MARCHF11: variants seen among roughly 807,000 people sequenced by gnomAD.
MARCHF11 encodes membrane associated ring-CH-type finger 11, also known as E3 ubiquitin-protein ligase MARCHF11.
A neutral mutation model predicts 37.3 loss-of-function variants in MARCHF11; 29 were observed. The observed-to-expected ratio is 0.78, with a 90% confidence interval of 0.58 to 1.06. The LOEUF is 1.06. Among genes scored for constraint, MARCHF11 ranks in the 50% least tolerant of loss-of-function variants. The probability of loss-of-function intolerance (pLI) is 0.00; values close to 1 mark genes in which losing one functional copy is unlikely to be tolerated. For missense variants in MARCHF11, 482 were observed against 533.4 expected (o/e 0.90, Z 0.95); for synonymous variants, 233 against 228.0 (o/e 1.02, Z -0.20).
At chr5:16,079,789 A>T (rs1579675472) in intron 3 of MARCHF11, among the ~76,000 whole-genome samples, 1 of 152,134 alleles carries the variant, frequency 6.6e-6, no homozygotes. Flanking sequence ...TTTTGAAAGG[A>T]GGCCTCTCAA....
intron 2 of MARCHF11, among the ~76,000 whole-genome samples, chr5:16,168,859 TA>T (rs906610433): frequency 2.0e-5 from 3 of 151,946 alleles, no homozygotes; most frequent in Middle Eastern, 3.4e-3. Context: ...TTCCTCTATT[TA>T]AAAAAAATAG....
chr5:16,179,627 G>A lies in MARCHF11; in HGVS notation c.-52C>T. 1 of 1,123,348 alleles carries A rather than the reference G, an allele frequency of 8.9e-7. No homozygotes were observed. Among genetic ancestry groups the A allele is most frequent in the Non-Finnish European group, 1.1e-6 (1 of 917,762 alleles). The allele number at this position is 1,123,348 out of a possible 1,614,324, so 69.6% of individuals were successfully genotyped here. On this transcript the variant is annotated 5_prime_UTR_variant, in exon 1 of 4. Coordinates refer to ENST00000332432, the MANE Select transcript of MARCHF11 (RefSeq NM_001102562.3). ...GGCCCGGCTGGCGGGCCGGGCTCTG[G>A]CTGCAGGGAAAGAGAGCGCGGAGGG...
intron 2 of MARCHF11, among the ~76,000 whole-genome samples, chr5:16,166,118 T>G (rs574545265): frequency 1.3e-4 from 20 of 152,240 alleles, no homozygotes; most frequent in African/African-American, 4.8e-4. Context: ...ATTTCCAGCT[T>G]TAGTCACTGG....
intron 2 of MARCHF11, among the ~76,000 whole-genome samples, chr5:16,132,325 C>A (rs1434313180): frequency 6.6e-6 from 1 of 152,178 alleles, no homozygotes; most frequent in East Asian, 1.9e-4. Flanking sequence ...AACCTTCAGG[C>A]CAGCCAGGTG....
Position 16,090,834 on chromosome 5 carries a change from C to T in MARCHF11, c.886+55G>A, listed in dbSNP as rs904659293. 3.3e-5 allele frequency: 44 copies of T among 1,329,936 alleles called. No homozygotes were observed. In the Middle Eastern group the frequency reaches 9.8e-4, roughly 29 times the overall value. The allele number at this position is 1,329,936 out of a possible 1,614,324, so 82.4% of individuals were successfully genotyped here. A position where few individuals can be genotyped will look rare whatever the true frequency, so the allele number is the denominator to read the frequency against. On this transcript the variant is annotated intron_variant, in intron 3 of 3. Coordinates refer to ENST00000332432, the MANE Select transcript of MARCHF11 (RefSeq NM_001102562.3). ...TAGATCCGAATGGTGAAAACGTAAT[C>T]GCTGAAAGAAATGGATTACTGACAG...
chr5:16,155,157 T>C (rs1737958760), intron 2 of MARCHF11, among the ~76,000 whole-genome samples: 1 of 151,890 alleles, frequency 6.6e-6, no homozygotes, highest in African/African-American at 2.4e-5. Flanking sequence ...TAGAGAGCCA[T>C]ACACACTAAC....
intron 2 of MARCHF11, among the ~76,000 whole-genome samples, chr5:16,164,040 C>T (rs1738131223): frequency 6.6e-6 from 1 of 152,064 alleles, no homozygotes; most frequent in Non-Finnish European, 1.5e-5. Flanking sequence ...GACACCAAAC[C>T]TGCTAGGGGC....
In MARCHF11 at chr5:16,097,847, A is replaced by C. The variant is rs530959182; in HGVS notation, c.694-6766T>G. ...TTTCCAACTCATTTTATAAGGCCAC[A>C]CAACGCTGATACCAAAACCTGACAA... is the stretch of plus-strand genomic sequence containing the variant. On this transcript the variant is annotated intron_variant, in intron 2 of 3. Coordinates refer to ENST00000332432, the MANE Select transcript of MARCHF11 (RefSeq NM_001102562.3). Among the ~76,000 whole-genome samples the C allele has an allele frequency of 3.9e-5, 6 of 152,338 alleles. No homozygotes were observed. In the South Asian group the frequency reaches 1.2e-3, roughly 32 times the overall value.
At chr5:16,074,020 T>C (rs1219324575) in intron 3 of MARCHF11, among the ~76,000 whole-genome samples, 1 of 152,082 alleles carries the variant, frequency 6.6e-6, no homozygotes, top group Non-Finnish European at 1.5e-5. Flanking sequence ...TCTCAATAAA[T>C]TTAAGAAAGA....
At position 16,067,566 on chromosome 5, in the gene MARCHF11, C is replaced by G; in HGVS notation, c.1114G>C (p.Val372Leu). 1 of 1,613,964 alleles carries G rather than the reference C, an allele frequency of 6.2e-7. No individual in the cohort carries two copies. The highest frequency in any genetic ancestry group is 8.5e-7 in the Non-Finnish European group (1 of 1,179,860). ...ATCCGATTGAACAGGTGCAATAACACATAGCCACACTGAAACCTTGGTGAG... is the reference window on the plus strand; with the variant it reads ...ATCCGATTGAACAGGTGCAATAACAGATAGCCACACTGAAACCTTGGTGAG... ...LTSPRFQCGY[V>L]LLHLFNRMRP... is the part of the protein sequence containing the mutation. Residue 372 changes from valine to leucine, a missense_variant, in exon 4 of 4, where the codon GTG becomes CTG. Transcript: ENST00000332432.
At chr5:16,076,482 T>C (rs1479993911) in intron 3 of MARCHF11, among the ~76,000 whole-genome samples, 1 of 152,156 alleles carries the variant, frequency 6.6e-6, no homozygotes. Flanking sequence ...TCTCCTATAA[T>C]TGGTAGAATG....
chr5:16,120,185 A>G (rs1737288857), intron 2 of MARCHF11, among the ~76,000 whole-genome samples: 1 of 152,236 alleles, frequency 6.6e-6, no homozygotes, highest in South Asian at 2.1e-4. Context: ...TGTACTGGAT[A>G]TCTACCATGT....
chr5:16,120,772 A>C (rs1308053489), intron 2 of MARCHF11, among the ~76,000 whole-genome samples: 1 of 152,202 alleles, frequency 6.6e-6, no homozygotes, highest in Non-Finnish European at 1.5e-5. Context: ...GTCAACAAGC[A>C]TGAAATAACT....
At chr5:16,104,564 G>A (rs569076231) in intron 2 of MARCHF11, among the ~76,000 whole-genome samples, 1 of 152,064 alleles carries the variant, frequency 6.6e-6, no homozygotes, top group East Asian at 1.9e-4. Flanking sequence ...TATTTGTCCG[G>A]TTGGTGTGTG....
chr5:16,094,534 C>T (rs886251689), intron 2 of MARCHF11, among the ~76,000 whole-genome samples: 3 of 151,412 alleles, frequency 2.0e-5, no homozygotes, highest in Non-Finnish European at 4.4e-5. Flanking sequence ...TGTGTGTGTG[C>T]GCATGTGTGT....
chr5:16,121,612 T>A (rs773803170), intron 2 of MARCHF11, among the ~76,000 whole-genome samples: 3 of 152,238 alleles, frequency 2.0e-5, no homozygotes, highest in Non-Finnish European at 4.4e-5. Flanking sequence ...TTTGAGTGGA[T>A]ACCTGAATAA....
chr5:16,113,108 C>T (rs777850561), intron 2 of MARCHF11, among the ~76,000 whole-genome samples: 33 of 152,118 alleles, frequency 2.2e-4, no homozygotes, highest in Non-Finnish European at 4.1e-4. Context: ...GCCAATACCA[C>T]TAGTAAACTG....
intron 3 of MARCHF11, among the ~76,000 whole-genome samples, chr5:16,081,536 C>T (rs1736607894): frequency 1.3e-5 from 2 of 152,144 alleles, no homozygotes; most frequent in East Asian, 1.9e-4. Flanking sequence ...TGGATTTGGC[C>T]CTCGGGCTGC....
At chr5:16,121,157 C>G (rs1409260032) in intron 2 of MARCHF11, among the ~76,000 whole-genome samples, 1 of 152,196 alleles carries the variant, frequency 6.6e-6, no homozygotes, top group African/African-American at 2.4e-5. Context: ...TGTATCACTC[C>G]CTTCAGATTT....
Sources: allele counts gnomAD v4.1 joint callset (sites outside exome capture counted in the v4.1 genomes callset), GRCh38; gene constraint gnomAD v4.1.1; transcripts MANE v1.5; gene names NCBI Gene and HGNC (gene_info 2026-07-23, HGNC 2026-07-21).